The following CAMK2D variants were observed in gnomAD, a reference collection of about 807,000 sequenced individuals.
The protein encoded by CAMK2D is calcium/calmodulin-dependent protein kinase type II subunit delta.
A neutral mutation model predicts 84.0 loss-of-function variants in CAMK2D; 37 were observed. The ratio of observed to expected loss-of-function variants is 0.44; its 90% CI spans 0.34 to 0.58. The LOEUF is 0.58. Among genes scored for constraint, CAMK2D ranks in the 20% least tolerant of loss-of-function variants. The pLI is 0.02. For synonymous variants in CAMK2D, 202 were observed against 212.5 expected (o/e 0.95, Z 0.43); for missense variants, 448 against 652.5 (o/e 0.69, Z 3.41).
intron 17 of CAMK2D, among the ~76,000 whole-genome samples, 162 bp from the exon 18 acceptor site, chr4:113,460,403 G>C (rs1383982754): frequency 1.3e-5 from 2 of 152,058 alleles, no homozygotes. Context: ...GTGGGTTGAG[G>C]AGCAGACTCT....
At position 113,713,655 on chromosome 4, in the gene CAMK2D, C is replaced by T. The variant is rs77222348; in HGVS notation, c.160+45665G>A. 7.7e-3 allele frequency among the ~76,000 whole-genome samples: 1,165 copies of T among 151,060 alleles called. 20 individuals are homozygous for T. Among genetic ancestry groups the T allele is most frequent in the African/African-American group, 0.026 (1,089 of 41,366 alleles). On this transcript the variant is annotated intron_variant, in intron 2 of 20. Transcript: ENST00000511664. ...TTTTAACATTACTCATATCATTGAA[C>T]ATCTTTTCATATAATTACTGACAAC...
intron 6 of CAMK2D, among the ~76,000 whole-genome samples, chr4:113,542,000 A>T (rs563161786): frequency 6.6e-6 from 1 of 152,358 alleles, no homozygotes; most frequent in East Asian, 1.9e-4. Context: ...TGTATGTGCT[A>T]TAAGTTTGCA....
chr4:113,547,821 GGTTGTATT>G, intron 5 of CAMK2D, 105 bp from the exon 6 acceptor site: 1 of 612,006 alleles, frequency 1.6e-6, no homozygotes, highest in Non-Finnish European at 2.8e-6. Context: ...AGACAACTGG[GGTTGTATT>G]GTACCACCTT....
chr4:113,706,803 A>C lies in CAMK2D; in HGVS notation c.161-45031T>G, dbSNP rs2099458981. ...TATATTAGAAAACTCTACGTAATTA[A>C]TGAAATGATTCAGACAGTTGCATTA... On this transcript the variant is annotated intron_variant, in intron 2 of 20. Transcript: ENST00000511664. 4.6e-5 allele frequency among the ~76,000 whole-genome samples: 7 copies of C among 152,216 alleles called. 1 individual carries two copies. Among genetic ancestry groups the C allele is most frequent in the Admixed American group, 4.6e-4 (7 of 15,276 alleles).
chr4:113,642,856 A>G (rs1000527810), intron 3 of CAMK2D, among the ~76,000 whole-genome samples: 6 of 151,692 alleles, frequency 4.0e-5, no homozygotes, highest in African/African-American at 1.5e-4. Flanking sequence ...TACAGTTTCT[A>G]CCCTACACCT....
intron 2 of CAMK2D, among the ~76,000 whole-genome samples, chr4:113,709,014 G>A (rs937967685): frequency 4.6e-5 from 7 of 152,026 alleles, no homozygotes; most frequent in South Asian, 2.1e-4. Context: ...GAACCACCGC[G>A]CCTGGCCCAA....
intron 9 of CAMK2D, among the ~76,000 whole-genome samples, chr4:113,516,992 A>G (rs2098293535): frequency 1.3e-5 from 2 of 151,938 alleles, no homozygotes; most frequent in Admixed American, 6.6e-5. Flanking sequence ...GTATATATAT[A>G]TATCTACTTT....
At chr4:113,508,239 C>T (rs766807244) in intron 13 of CAMK2D, 3 of 1,549,492 alleles carry the variant, frequency 1.9e-6, no homozygotes, top group East Asian at 4.8e-5. Flanking sequence ...TCCTCACCAT[C>T]ATCTGAACAC....
rs554178832 is a variant in CAMK2D at position 113,530,777 on chromosome 4, C to T, written c.601+439G>A. On this transcript the variant is annotated intron_variant, in intron 8 of 20. Coordinates refer to ENST00000511664, the MANE Select transcript of CAMK2D (RefSeq NM_001321571.2). ...CCTTGATTTTGAATTTCCCAGCCTT[C>T]ACAACTGTGAGAAATAAATTTTTGT... Among the ~76,000 whole-genome samples the T allele has an allele frequency of 1.2e-4, 18 of 152,304 alleles. No homozygotes were observed. In the South Asian group the frequency reaches 3.3e-3, roughly 28 times the overall value.
chr4:113,557,885 T>C (rs1480807584), intron 4 of CAMK2D, among the ~76,000 whole-genome samples: 2 of 152,208 alleles, frequency 1.3e-5, no homozygotes, highest in African/African-American at 4.8e-5. Flanking sequence ...TGTGCATATA[T>C]AAAACACATT....
At chr4:113,516,814 A>G (rs1289885808) in intron 9 of CAMK2D, among the ~76,000 whole-genome samples, 1 of 152,198 alleles carries the variant, frequency 6.6e-6, no homozygotes, top group Admixed American at 6.5e-5. Flanking sequence ...CAGACCCTGC[A>G]CATGGATTTC....
intron 4 of CAMK2D, among the ~76,000 whole-genome samples, chr4:113,595,739 T>C (rs79656965): frequency 0.04 from 6,080 of 152,254 alleles, 357 homozygotes; most frequent in East Asian, 0.19. Flanking sequence ...ATGTGACATA[T>C]CATAATTTTA....
intron 2 of CAMK2D, among the ~76,000 whole-genome samples, chr4:113,671,013 C>A (rs1189870205): frequency 1.3e-5 from 2 of 151,978 alleles, no homozygotes; most frequent in African/African-American, 4.8e-5. Flanking sequence ...TACAGTAACA[C>A]AAGAGAACAC....
intron 2 of CAMK2D, among the ~76,000 whole-genome samples, chr4:113,721,600 G>T (rs2099530624): frequency 6.6e-6 from 1 of 152,062 alleles, no homozygotes; most frequent in African/African-American, 2.4e-5. Flanking sequence ...CTCCATGGTT[G>T]GTATAAATTT....
chr4:113,543,152 C>T (rs2098542502), intron 6 of CAMK2D, among the ~76,000 whole-genome samples: 1 of 152,172 alleles, frequency 6.6e-6, no homozygotes, highest in African/African-American at 2.4e-5. Context: ...ATAACTATCT[C>T]CTTTACTTAT....
intron 8 of CAMK2D, 78 bp downstream of exon 8, chr4:113,531,138 T>C: frequency 1.3e-6 from 1 of 780,864 alleles, no homozygotes; most frequent in East Asian, 2.5e-5. Context: ...ACTTGGTCTA[T>C]GACAGATTGT....
At chr4:113,486,333 G>A (rs962859629) in intron 16 of CAMK2D, among the ~76,000 whole-genome samples, 1 of 151,834 alleles carries the variant, frequency 6.6e-6, no homozygotes, top group African/African-American at 2.4e-5. Flanking sequence ...TTATATTGCC[G>A]AGGCTGGTCT....
At chr4:113,576,716 AT>A (rs952388716) in intron 4 of CAMK2D, among the ~76,000 whole-genome samples, 41 of 152,072 alleles carry the variant, frequency 2.7e-4, no homozygotes, top group Non-Finnish European at 4.7e-4. Context: ...ATCACTTTAA[AT>A]TTTTTTTAAA....
intron 12 of CAMK2D, among the ~76,000 whole-genome samples, chr4:113,512,619 C>G (rs183825945): frequency 0.012 from 1,762 of 152,300 alleles, 43 homozygotes; most frequent in African/African-American, 0.04. Context: ...TGTCGCCAGG[C>G]TGGAGTGCAG....
Sources: allele counts gnomAD v4.1 joint callset (sites outside exome capture counted in the v4.1 genomes callset), GRCh38; gene constraint gnomAD v4.1.1; transcripts MANE v1.5; gene names NCBI Gene and HGNC (gene_info 2026-07-23, HGNC 2026-07-21).